DTNBP1: variants seen among roughly 807,000 people sequenced by gnomAD.
The protein encoded by DTNBP1 is dystrobrevin binding protein 1.
In DTNBP1, 35 loss-of-function variants were observed where a neutral mutation model predicts 42.8. The ratio of observed to expected loss-of-function variants is 0.82; its 90% CI spans 0.63 to 1.09. DTNBP1 has a LOEUF of 1.09. DTNBP1 is among the 50% of genes least tolerant of loss of function. The pLI is 0.00. For synonymous variants in DTNBP1, 171 were observed against 162.2 expected, an observed-to-expected ratio of 1.05 and a Z score of -0.41; for missense variants, 457 against 424.2, an observed-to-expected ratio of 1.08 and a Z score of -0.68.
chr6:15,536,807 G>A (rs1773255946), intron 7 of DTNBP1, among the ~76,000 whole-genome samples: 1 of 152,206 alleles, frequency 6.6e-6, no homozygotes, highest in Non-Finnish European at 1.5e-5. Context: ...CCATGAATCT[G>A]GAAAAGATGC....
At chr6:15,618,532 A>G (rs1250756362) in intron 5 of DTNBP1, among the ~76,000 whole-genome samples, 2 of 104,266 alleles carry the variant, frequency 1.9e-5, no homozygotes, top group Non-Finnish European at 4.3e-5. Context: ...CCCTAAAACT[A>G]AAAAAAAAAA....
intron 7 of DTNBP1, among the ~76,000 whole-genome samples, chr6:15,568,150 C>T (rs1775179929): frequency 6.6e-6 from 1 of 152,186 alleles, no homozygotes; most frequent in African/African-American, 2.4e-5. Flanking sequence ...CCAAGATCCT[C>T]TTCAGAGAGG....
intron 7 of DTNBP1, among the ~76,000 whole-genome samples, chr6:15,538,992 C>T (rs1773403997): frequency 6.6e-6 from 1 of 152,190 alleles, no homozygotes; most frequent in Admixed American, 6.5e-5. Flanking sequence ...TTAGTCCCTG[C>T]CCATCCCCAC....
chr6:15,533,233 C>T lies in DTNBP1; in HGVS notation c.667+7G>A, dbSNP rs534257582. On this transcript the variant is annotated splice_region_variant and intron_variant, in intron 8 of 9. Coordinates refer to ENST00000344537, the MANE Select transcript of DTNBP1 (RefSeq NM_032122.5). ...TCCCCACACCAGCAGCCCCAGCCCC[C>T]ACTCGCCTCGCCGCTCTGCAATCTG... is the stretch of plus-strand genomic sequence containing the variant. 5.6e-6 allele frequency: 9 copies of T among 1,613,520 alleles called. No homozygotes were observed. In the African/African-American group the frequency reaches 6.7e-5, roughly 12 times the overall value.
chr6:15,660,523 T>G, intron 1 of DTNBP1: 1 of 1,289,736 alleles, frequency 7.8e-7, no homozygotes, highest in South Asian at 1.2e-5. Flanking sequence ...GAAAGTGACC[T>G]GTACAGGAGA....
chr6:15,657,335 A>G (rs530631087), intron 1 of DTNBP1, among the ~76,000 whole-genome samples: 2 of 152,322 alleles, frequency 1.3e-5, no homozygotes, highest in South Asian at 4.1e-4. Flanking sequence ...ATGCTGGTAT[A>G]TGACACCATT....
At chr6:15,524,335 A>G (rs1274240502) in intron 9 of DTNBP1, 191 bp downstream of exon 9, 1 of 1,612,260 alleles carries the variant, frequency 6.2e-7, no homozygotes. Flanking sequence ...AGAAGAATTC[A>G]TGACGGAACC....
At chr6:15,634,556 G>C (rs531006227) in intron 4 of DTNBP1, among the ~76,000 whole-genome samples, 5 of 152,266 alleles carry the variant, frequency 3.3e-5, no homozygotes, top group African/African-American at 1.2e-4. Context: ...GACTTCAAGT[G>C]ATCTGCCTGC....
intron 7 of DTNBP1, among the ~76,000 whole-genome samples, chr6:15,578,038 T>C (rs968373563): frequency 7.2e-5 from 11 of 152,230 alleles, no homozygotes; most frequent in Non-Finnish European, 1.6e-4. Flanking sequence ...CAGACGATTC[T>C]GCAGAGAGGT....
chr6:15,585,671 T>C, intron 7 of DTNBP1: 1 of 1,527,846 alleles, frequency 6.5e-7, no homozygotes, highest in Non-Finnish European at 8.8e-7. Flanking sequence ...AAATAAACAT[T>C]TCAAAGGAAA....
intron 7 of DTNBP1, among the ~76,000 whole-genome samples, chr6:15,564,510 C>T (rs767629423): frequency 5.3e-5 from 8 of 151,982 alleles, no homozygotes; most frequent in African/African-American, 9.7e-5. Context: ...TGGGTCCAAG[C>T]GATTCTCATG....
rs1313946255 is a variant in DTNBP1 at position 15,594,443 on chromosome 6, T to C, written c.489-1362A>G. Among the ~76,000 whole-genome samples the C allele has an allele frequency of 3.1e-4, 46 of 148,832 alleles. 1 individual carries two copies. In the Admixed American group the frequency reaches 3.1e-3, roughly 10 times the overall value. ...TCGTACCACTGCACTCCAGCCTGGG[T>C]GACAGAGCGAGACTCTGTCTCAAAA... On this transcript the variant is annotated intron_variant, in intron 6 of 9. Coordinates refer to ENST00000344537, the MANE Select transcript of DTNBP1 (RefSeq NM_032122.5).
chr6:15,618,044 C>G (rs1758815329), intron 5 of DTNBP1, among the ~76,000 whole-genome samples: 2 of 152,068 alleles, frequency 1.3e-5, no homozygotes, highest in Non-Finnish European at 2.9e-5. Context: ...ATATGGTGTT[C>G]TATTTTCGTT....
rs866992569 is a variant in DTNBP1, at chr6:15,646,264, C to T, written c.161+5049G>A. On this transcript the variant is annotated intron_variant, in intron 3 of 9. Transcript: ENST00000344537. ...CTCAATCTCATTTACAATAGACACA[C>T]ACACACACACACACACACACACATA... 2.7e-3 allele frequency among the ~76,000 whole-genome samples: 409 copies of T among 148,958 alleles called. 6 individuals are homozygous for T. The highest frequency in any genetic ancestry group is 0.027 in the Middle Eastern group (8 of 294).
At chr6:15,583,304 A>G (rs142452798) in intron 7 of DTNBP1, among the ~76,000 whole-genome samples, 1 of 152,308 alleles carries the variant, frequency 6.6e-6, no homozygotes, top group Non-Finnish European at 1.5e-5. Context: ...TTTATGCTAT[A>G]GGCATACCTT....
intron 6 of DTNBP1, among the ~76,000 whole-genome samples, chr6:15,601,349 A>G (rs537718949): frequency 1.3e-5 from 2 of 152,204 alleles, no homozygotes; most frequent in Non-Finnish European, 2.9e-5. Flanking sequence ...AAATATTCTT[A>G]AAAGTTCATT....
intron 3 of DTNBP1, among the ~76,000 whole-genome samples, chr6:15,644,378 T>C (rs1157577754): frequency 6.6e-6 from 1 of 152,042 alleles, no homozygotes; most frequent in Non-Finnish European, 1.5e-5. Flanking sequence ...AGACAGATCA[T>C]GGCACAAAAC....
At chr6:15,533,127 A>C in intron 8 of DTNBP1, 113 bp downstream of exon 8, 7 of 1,533,008 alleles carry the variant, frequency 4.6e-6, no homozygotes, top group Non-Finnish European at 6.2e-6. Flanking sequence ...GGGTCTCATA[A>C]CAGAACGGAA....
intron 1 of DTNBP1, among the ~76,000 whole-genome samples, chr6:15,654,849 G>A (rs549927662): frequency 1.1e-4 from 17 of 152,300 alleles, no homozygotes; most frequent in Admixed American, 1.1e-3. Context: ...AAGAACAAAA[G>A]AAGTCTGATT....
Sources: gnomAD v4.1 joint callset for allele counts (sites outside exome capture counted in the v4.1 genomes callset) on GRCh38, gnomAD v4.1.1 for gene constraint, MANE v1.5 for transcripts, NCBI Gene and HGNC (gene_info 2026-07-23, HGNC 2026-07-21) for gene names.